IL19: variants seen among roughly 807,000 people sequenced by gnomAD.
The protein encoded by IL19 is interleukin-19.
A neutral mutation model predicts 19.5 loss-of-function variants in IL19; 15 were observed. That is an observed-to-expected ratio of 0.77 (90% CI 0.52 to 1.19). The LOEUF is 1.19. Ranked by LOEUF, IL19 falls within the 50% of genes most tolerant of loss-of-function variation. IL19 has a pLI of 0.00. For synonymous variants in IL19, 78 were observed against 78.3 expected (o/e 1.00, Z 0.02); for missense variants, 199 against 213.1 (o/e 0.93, Z 0.41).
chr1:206,803,198 T>A (rs1403012725), intron 2 of IL19, among the ~76,000 whole-genome samples: 1 of 152,192 alleles, frequency 6.6e-6, no homozygotes, highest in Admixed American at 6.5e-5. Flanking sequence ...GGGCCTTGGC[T>A]TCTGTAATGC....
intron 1 of IL19, among the ~76,000 whole-genome samples, chr1:206,785,331 G>A (rs777494705): frequency 6.6e-6 from 1 of 152,194 alleles, no homozygotes; most frequent in Admixed American, 6.5e-5. Context: ...GACTTGAGTG[G>A]CAACCATTGG....
intron 2 of IL19, among the ~76,000 whole-genome samples, chr1:206,818,192 C>T (rs1676211045): frequency 6.6e-6 from 1 of 152,200 alleles, no homozygotes. Flanking sequence ...ATATAGAACA[C>T]TCTACCTAAC....
intron 1 of IL19, among the ~76,000 whole-genome samples, chr1:206,778,017 T>C (rs1405224728): frequency 1.3e-5 from 2 of 152,172 alleles, no homozygotes; most frequent in East Asian, 3.9e-4. Flanking sequence ...TTCCTGACAT[T>C]GGCTTTGATA....
intron 1 of IL19, among the ~76,000 whole-genome samples, chr1:206,786,888 C>T (rs1040082010): frequency 3.3e-5 from 5 of 152,044 alleles, no homozygotes; most frequent in Non-Finnish European, 7.4e-5. Context: ...GCCCCCAAGC[C>T]ACCGGAGAAC....
intron 2 of IL19, among the ~76,000 whole-genome samples, chr1:206,827,676 G>C (rs184282905): frequency 1.4e-5 from 2 of 147,548 alleles, no homozygotes; most frequent in African/African-American, 5.0e-5. Flanking sequence ...GGGTGACAGC[G>C]AGACTCCGTC....
intron 2 of IL19, among the ~76,000 whole-genome samples, chr1:206,820,988 C>G (rs1430600364): frequency 6.6e-6 from 1 of 152,256 alleles, no homozygotes; most frequent in Admixed American, 6.5e-5. Context: ...TGCCCCCACA[C>G]AACTTGGTTT....
Position 206,810,038 on chromosome 1 carries a change from G to A in IL19, c.-3+11032G>A, listed in dbSNP as rs752106440. Among the ~76,000 whole-genome samples, 14 of 152,250 alleles carry A rather than the reference G, an allele frequency of 9.2e-5. No homozygotes were observed. In the South Asian group the frequency reaches 1.5e-3, roughly 16 times the overall value. On this transcript the variant is annotated intron_variant, in intron 2 of 6. Transcript: ENST00000659997. Reference sequence around the variant, plus strand: ...TGCCACTTGCCTCACCATTAGGGTCGGATCTCACCCTTCTTTGGGGGTTGG... The same window carrying A: ...TGCCACTTGCCTCACCATTAGGGTCAGATCTCACCCTTCTTTGGGGGTTGG...
chr1:206,820,386 T>G (rs1489682778), intron 2 of IL19, among the ~76,000 whole-genome samples: 3 of 152,194 alleles, frequency 2.0e-5, no homozygotes, highest in Non-Finnish European at 4.4e-5. Context: ...TGTTCTATAT[T>G]TGGAGCCTAA....
chr1:206,836,120 C>T (rs1027835376), intron 2 of IL19, among the ~76,000 whole-genome samples: 2 of 152,170 alleles, frequency 1.3e-5, no homozygotes, highest in African/African-American at 4.8e-5. Flanking sequence ...CCCATCTCTC[C>T]AGAAGGTGAA....
intron 1 of IL19, among the ~76,000 whole-genome samples, chr1:206,794,245 T>A (rs760937719): frequency 6.6e-6 from 1 of 152,228 alleles, no homozygotes; most frequent in Non-Finnish European, 1.5e-5. Flanking sequence ...ATAAAGATAC[T>A]GCTGCTCTTA....
chr1:206,782,280 T>C (rs1054128433), intron 1 of IL19, among the ~76,000 whole-genome samples: 4 of 152,084 alleles, frequency 2.6e-5, no homozygotes, highest in Admixed American at 1.3e-4. Context: ...TCTGGCTTGA[T>C]AGAAGCAGGA....
chr1:206,825,037 T>G (rs1201863701), intron 2 of IL19, among the ~76,000 whole-genome samples: 2 of 152,246 alleles, frequency 1.3e-5, no homozygotes, highest in Non-Finnish European at 2.9e-5. Context: ...ATTATAGGCA[T>G]GAGCCACTGC....
At chr1:206,837,132 G>A (rs1221202402) in intron 4 of IL19, 109 bp downstream of exon 4, 1 of 874,258 alleles carries the variant, frequency 1.1e-6, no homozygotes, top group Non-Finnish European at 1.8e-6. Flanking sequence ...AATCTCCAAT[G>A]TACTCTAAAT....
intron 2 of IL19, among the ~76,000 whole-genome samples, chr1:206,810,954 C>T (rs1675992088): frequency 6.6e-6 from 1 of 152,176 alleles, no homozygotes; most frequent in African/African-American, 2.4e-5. Flanking sequence ...CTTTGCTTTC[C>T]ACCATGATTG....
chr1:206,839,968 CT>C lies in IL19; in HGVS notation c.332del (p.Phe111SerfsTer54). The stretch of plus-strand genomic sequence containing the variant: ...AGAAAAATCAGCAGCATTGCCAACT[CT>C]TTCCTCTACATGCAGAAAACTCTGC... ...ILRKISSIAN[S>X]FLYMQKTLRQ... is the part of the protein sequence containing the mutation. On this transcript the variant is annotated frameshift_variant, in exon 5 of 7. Coordinates refer to ENST00000659997, the MANE Select transcript of IL19 (RefSeq NM_153758.5). LOFTEE classifies it high-confidence loss of function. The C allele has an allele frequency of 6.2e-7, 1 of 1,614,216 alleles. No individual in the cohort carries two copies. The highest frequency in any genetic ancestry group is 8.5e-7 in the Non-Finnish European group (1 of 1,180,028).
intron 1 of IL19, among the ~76,000 whole-genome samples, chr1:206,781,950 TATATA>T (rs1675151272): frequency 1.1e-5 from 1 of 87,412 alleles, no homozygotes; most frequent in African/African-American, 4.0e-5. Flanking sequence ...TATATAGTTA[TATATA>T]CATATATATG....
intron 1 of IL19, among the ~76,000 whole-genome samples, chr1:206,787,456 A>G (rs1410948918): frequency 1.3e-5 from 2 of 152,202 alleles, no homozygotes; most frequent in Non-Finnish European, 2.9e-5. Flanking sequence ...TATGCCAGAG[A>G]TAGAGAGGAG....
intron 2 of IL19, among the ~76,000 whole-genome samples, chr1:206,826,934 G>T (rs540080232): frequency 6.6e-6 from 1 of 152,168 alleles, no homozygotes; most frequent in African/African-American, 2.4e-5. Flanking sequence ...TGTGGCCTCC[G>T]GTCCCAGCTC....
chr1:206,837,932 C>T (rs1048434861), intron 4 of IL19, among the ~76,000 whole-genome samples: 5 of 152,130 alleles, frequency 3.3e-5, no homozygotes, highest in African/African-American at 1.2e-4. Context: ...AGTGCCGCTT[C>T]CTAGAGAGTG....
Sources: allele counts gnomAD v4.1 joint callset (sites outside exome capture counted in the v4.1 genomes callset), GRCh38; gene constraint gnomAD v4.1.1; transcripts MANE v1.5; gene names NCBI Gene and HGNC (gene_info 2026-07-23, HGNC 2026-07-21).